MYOM1: variants seen among roughly 807,000 people sequenced by gnomAD.
MYOM1 encodes the protein myomesin 1.
Under a neutral mutation model 205.3 loss-of-function variants are expected in MYOM1, and 164 were observed. The ratio of observed to expected loss-of-function variants is 0.80; its 90% CI spans 0.70 to 0.91. MYOM1 has a LOEUF of 0.91. MYOM1 is among the 40% of genes least tolerant of loss of function. The probability of loss-of-function intolerance (pLI) is 0.00; values close to 1 mark genes in which losing one functional copy is unlikely to be tolerated. For synonymous variants in MYOM1, 772 were observed against 789.4 expected (o/e 0.98, Z 0.37); for missense variants, 2,011 against 2,127.3 (o/e 0.95, Z 1.08).
At chr18:3,138,328 G>C (rs200080771) in intron 14 of MYOM1, among the ~76,000 whole-genome samples, 1 of 91,396 alleles carries the variant, frequency 1.1e-5, no homozygotes, top group East Asian at 5.8e-4. Flanking sequence ...GGGACTTTAA[G>C]TTTATCAGTC....
chr18:3,100,194 C>G lies in MYOM1; in HGVS notation c.3692G>C (p.Arg1231Pro), dbSNP rs756213299. The change falls in exon 25 of 38, where the codon CGT (arginine) becomes CCT (proline). Residue 1231 changes from arginine to proline, a missense_variant. Physicochemically the swap from Arg to Pro is moderately radical, Grantham distance 103. Coordinates refer to ENST00000356443, the MANE Select transcript of MYOM1 (RefSeq NM_003803.4). ...GTGTTCATGGCTGAGAGCAAGTAAACGTTTCAATTCTGTAGGGGGAAAAAG... is the reference window on the plus strand; with the variant it reads ...GTGTTCATGGCTGAGAGCAAGTAAAGGTTTCAATTCTGTAGGGGGAAAAAG... ...SYLIDEEELK[R>P]LLALSHEHKF... is the part of the protein sequence containing the mutation. The G allele has an allele frequency of 3.1e-6, 5 of 1,613,786 alleles. No homozygotes were observed. In the South Asian group the frequency reaches 5.5e-5, roughly 18 times the overall value.
intron 2 of MYOM1, among the ~76,000 whole-genome samples, chr18:3,201,115 C>A (rs1380886949): frequency 1.3e-5 from 2 of 152,172 alleles, no homozygotes; most frequent in African/African-American, 2.4e-5. Context: ...AATTCTATAT[C>A]TGGCCGGGCG....
chr18:3,132,501 G>A (rs528889158), intron 16 of MYOM1, among the ~76,000 whole-genome samples: 4 of 152,056 alleles, frequency 2.6e-5, no homozygotes, highest in Non-Finnish European at 5.9e-5. Context: ...TACATGGGAA[G>A]GTTTGTTATA....
At chr18:3,148,797 G>C (rs952728982) in intron 13 of MYOM1, among the ~76,000 whole-genome samples, 1 of 122,206 alleles carries the variant, frequency 8.2e-6, no homozygotes. Context: ...AGTGAGCCGA[G>C]ATCGCACCAT....
At chr18:3,150,030 G>A (rs1265982144) in intron 12 of MYOM1, among the ~76,000 whole-genome samples, 2 of 152,176 alleles carry the variant, frequency 1.3e-5, no homozygotes, top group Non-Finnish European at 2.9e-5. Flanking sequence ...GGAGCCTGAT[G>A]AGACACGGTT....
At position 3,090,706 on chromosome 18, in the gene MYOM1, G is replaced by C. The variant is rs1375842409; in HGVS notation, c.3961C>G (p.Gln1321Glu). ...EDEGTYTFQL[Q>E]DGKATNHSTV... ...GAATGGTTAGTTGCTTTTCCATCTT[G>C]AAGCTGGAAAGTGTACGTTCCCTCA... Residue 1321 changes from glutamine to glutamate, a missense_variant, in exon 27 of 38, where the codon CAA (glutamine) becomes GAA (glutamate). By Grantham distance (29) the Gln-to-Glu change is conservative. Coordinates refer to ENST00000356443, the MANE Select transcript of MYOM1 (RefSeq NM_003803.4). 6.2e-7 allele frequency: 1 copy of C among 1,613,830 alleles called. No homozygotes were observed. The highest frequency in any genetic ancestry group is 1.3e-5 in the African/African-American group (1 of 75,008).
the MYOM1 span, among the ~76,000 whole-genome samples, chr18:3,234,170 C>T: frequency 2.0e-5 from 3 of 151,982 alleles, no homozygotes; most frequent in African/African-American, 4.8e-5. Context: ...GCTCATAGGA[C>T]GTGCTCAATA....
At chr18:3,112,261 A>C (rs1372811213) in intron 22 of MYOM1, 37 bp downstream of exon 22, 2 of 1,569,514 alleles carry the variant, frequency 1.3e-6, no homozygotes, top group East Asian at 4.5e-5. Context: ...TATCTTACAC[A>C]GATAGGATTA....
At position 3,075,483 on chromosome 18, in the gene MYOM1, T is replaced by C; in HGVS notation, c.4686-7A>G. The C allele has an allele frequency of 6.3e-7, 1 of 1,586,380 alleles. No homozygotes were observed. Among genetic ancestry groups the C allele is most frequent in the East Asian group, 2.3e-5 (1 of 44,024 alleles). ...CTCGGCAATGGCAGCTTGTCTGTGG[T>C]TGAGAGAAACGAACAAACAGACGAA... On this transcript the variant is annotated splice_polypyrimidine_tract_variant and splice_region_variant and intron_variant, in intron 35 of 37. Transcript: ENST00000356443.
rs1435578832 is a variant in MYOM1 at position 3,214,948 on chromosome 18, A to G, written c.276T>C (p.Tyr92=). The change falls in exon 2 of 38, where the codon TAT becomes TAC. Residue 92 remains tyrosine, a synonymous_variant. Transcript: ENST00000356443. ...GTCCGACATACCCATGGGAGGAGCC[A>G]TAATCGTAGGCTGAGGCTGCCTTCC... ...VSRKAASAYD[Y]GSSHGLTDSS... The G allele has an allele frequency of 1.9e-6, 3 of 1,601,330 alleles. No individual in the cohort carries two copies. In the African/African-American group the frequency reaches 4.0e-5, roughly 21 times the overall value.
At chr18:3,076,905 G>T (rs2079026229) in intron 34 of MYOM1, among the ~76,000 whole-genome samples, 1 of 151,814 alleles carries the variant, frequency 6.6e-6, no homozygotes, top group African/African-American at 2.4e-5. Context: ...GTAGAGACGG[G>T]GTTTCACCAC....
At chr18:3,190,128 A>G (rs73375198) in intron 3 of MYOM1, among the ~76,000 whole-genome samples, 13,800 of 152,262 alleles carry the variant, frequency 0.091, 900 homozygotes, top group African/African-American at 0.19. Flanking sequence ...CAACATCCCA[A>G]GTGCAATGCC....
intron 23 of MYOM1, among the ~76,000 whole-genome samples, chr18:3,101,795 TAATA>T (rs1351161825): frequency 1.3e-5 from 2 of 152,126 alleles, no homozygotes; most frequent in African/African-American, 4.8e-5. Flanking sequence ...ATAAATGAGA[TAATA>T]AATAAGAAAG....
In MYOM1 at chr18:3,135,387, T is replaced by C; in HGVS notation, c.2209+160A>G. The C allele has an allele frequency of 1.7e-6, 1 of 573,796 alleles. No individual in the cohort carries two copies. 35.5% of individuals were successfully genotyped at this position (573,796 alleles called of 1,614,324 possible). On this transcript the variant is annotated intron_variant, in intron 15 of 37. Transcript: ENST00000356443. This position sits in a 1 kb window ranked among gnomAD's most constrained non-coding sequence, Gnocchi z 4.1. ...GAAGTTTACTTTTCATAAACAAAAATAATGAATTTTTGTTTAATGTATAGG... is the reference window on the plus strand; with the variant it reads ...GAAGTTTACTTTTCATAAACAAAAACAATGAATTTTTGTTTAATGTATAGG...
chr18:3,070,364 G>C (rs2078945648), intron 37 of MYOM1, among the ~76,000 whole-genome samples: 1 of 152,078 alleles, frequency 6.6e-6, no homozygotes, highest in African/African-American at 2.4e-5. Context: ...TGTTGCCCAG[G>C]CTAGTTTGAA....
intron 25 of MYOM1, 127 bp from the exon 26 acceptor site, chr18:3,094,433 C>A: frequency 2.0e-6 from 2 of 986,818 alleles, no homozygotes; most frequent in East Asian, 5.3e-5. Context: ...CTGCTTCTTG[C>A]AAAGCCCAGA....
chr18:3,103,776 A>G (rs1353806381), intron 22 of MYOM1, among the ~76,000 whole-genome samples: 1 of 152,212 alleles, frequency 6.6e-6, no homozygotes, highest in Non-Finnish European at 1.5e-5. Context: ...TCCCAAGGGA[A>G]GGCCAAGAGG....
At chr18:3,120,601 C>G (rs78971231) in intron 19 of MYOM1, among the ~76,000 whole-genome samples, 2 of 152,138 alleles carry the variant, frequency 1.3e-5, no homozygotes, top group African/African-American at 4.8e-5. Context: ...GACCCTGCAA[C>G]GCCGTGCGCA....
At chr18:3,155,776 G>A (rs908801606) in intron 10 of MYOM1, among the ~76,000 whole-genome samples, 5 of 152,122 alleles carry the variant, frequency 3.3e-5, no homozygotes, top group African/African-American at 4.8e-5. Flanking sequence ...ACTAAGAAAG[G>A]CTCCCAAGGG....
Sources: gnomAD v4.1 joint callset for allele counts (sites outside exome capture counted in the v4.1 genomes callset) on GRCh38, gnomAD v4.1.1 for gene constraint, Gnocchi (gnomAD v3.1) non-coding constraint, MANE v1.5 for transcripts, NCBI Gene and HGNC (gene_info 2026-07-23, HGNC 2026-07-21) for gene names.